Variants in OPCML observed in about 807,000 individuals in gnomAD.
The protein encoded by OPCML is opioid binding protein/cell adhesion molecule like.
A neutral mutation model predicts 37.8 loss-of-function variants in OPCML; 13 were observed. The ratio of observed to expected loss-of-function variants is 0.34; its 90% CI spans 0.22 to 0.55. The LOEUF (loss-of-function observed/expected upper bound fraction) is 0.55, where lower values mean the gene tolerates loss of function less well. Ranked by LOEUF, OPCML falls within the 20% of genes least tolerant of loss-of-function variation. The pLI, the probability that OPCML is intolerant of heterozygous loss-of-function variation, is 0.91. For missense variants in OPCML, 341 were observed against 435.6 expected (o/e 0.78, Z 1.93); for synonymous variants, 176 against 168.8 (o/e 1.04, Z -0.33).
intron 1 of OPCML, among the ~76,000 whole-genome samples, chr11:133,454,462 A>T (rs1288680108): frequency 1.3e-5 from 2 of 152,174 alleles, no homozygotes; most frequent in African/African-American, 4.8e-5. Flanking sequence ...TGCTTAGAAT[A>T]TTGGAAAATA....
rs539719283 is a variant in OPCML, at chr11:132,535,251, CT to C, written c.380-6066del. On this transcript the variant is annotated intron_variant, in intron 3 of 7. Coordinates refer to ENST00000524381, the MANE Select transcript of OPCML (RefSeq NM_001012393.5). ...AATAACTAACCATCAATTTCCTCCTCTTAAACTGAGCTATTGGGCCTAAGCA... is the reference window on the plus strand; with the variant it reads ...AATAACTAACCATCAATTTCCTCCTCTAAACTGAGCTATTGGGCCTAAGCA... Among the ~76,000 whole-genome samples, 360 of 152,224 alleles carry C rather than the reference CT, an allele frequency of 2.4e-3. 3 individuals are homozygous for C. The highest frequency in any genetic ancestry group is 8.1e-3 in the African/African-American group (335 of 41,542).
chr11:133,064,016 T>TTTTCTTTC (rs55825694), intron 1 of OPCML, among the ~76,000 whole-genome samples: 4 of 152,030 alleles, frequency 2.6e-5, no homozygotes, highest in African/African-American at 7.2e-5. Flanking sequence ...ATGGCTTTAA[T>TTTTCTTTC]TTTCTTTCTT....
At chr11:132,650,198 G>A (rs902433575) in intron 3 of OPCML, among the ~76,000 whole-genome samples, 1 of 152,174 alleles carries the variant, frequency 6.6e-6, no homozygotes, top group Non-Finnish European at 1.5e-5. Flanking sequence ...CTAACTAGCA[G>A]TGTTAGTAAG....
At chr11:132,635,790 T>G (rs991266251) in intron 3 of OPCML, among the ~76,000 whole-genome samples, 1 of 152,192 alleles carries the variant, frequency 6.6e-6, no homozygotes, top group Admixed American at 6.5e-5. Flanking sequence ...CCACTGCCCT[T>G]GGAAGACAAA....
At chr11:133,308,478 T>C (rs1442809983) in intron 1 of OPCML, among the ~76,000 whole-genome samples, 6 of 152,218 alleles carry the variant, frequency 3.9e-5, no homozygotes, top group South Asian at 2.1e-4. Context: ...CCTGTGGAGC[T>C]GAGTAGAGTC....
At chr11:132,891,808 A>G (rs1373882988) in intron 2 of OPCML, among the ~76,000 whole-genome samples, 1 of 152,224 alleles carries the variant, frequency 6.6e-6, no homozygotes. Flanking sequence ...AATCAGCTGC[A>G]TGAAAGAAAT....
At chr11:133,126,609 A>G (rs1179107425) in intron 1 of OPCML, among the ~76,000 whole-genome samples, 2 of 152,230 alleles carry the variant, frequency 1.3e-5, no homozygotes, top group African/African-American at 4.8e-5. Context: ...AAGAATGGAT[A>G]AAAATCTTAC....
chr11:132,865,927 T>C (rs1392876704), intron 2 of OPCML, among the ~76,000 whole-genome samples: 1 of 152,200 alleles, frequency 6.6e-6, no homozygotes, highest in Non-Finnish European at 1.5e-5. Context: ...CACGATCTAA[T>C]AATGGCTATT....
At chr11:133,122,844 C>G (rs753602996) in intron 1 of OPCML, among the ~76,000 whole-genome samples, 1 of 152,188 alleles carries the variant, frequency 6.6e-6, no homozygotes, top group Non-Finnish European at 1.5e-5. Context: ...AGCAAAAGTT[C>G]GCTGACACTG....
chr11:132,876,340 G>A (rs190090512), intron 2 of OPCML, among the ~76,000 whole-genome samples: 1 of 152,292 alleles, frequency 6.6e-6, no homozygotes, highest in Admixed American at 6.5e-5. Flanking sequence ...CAACTCCTGA[G>A]AGCAAACCCT....
At chr11:132,774,149 G>C (rs760848968) in intron 2 of OPCML, among the ~76,000 whole-genome samples, 12 of 152,090 alleles carry the variant, frequency 7.9e-5, no homozygotes, top group Non-Finnish European at 1.5e-4. Flanking sequence ...TATGTGTTAA[G>C]CTTCATTGGG....
intron 2 of OPCML, among the ~76,000 whole-genome samples, chr11:132,855,999 C>A (rs1345779136): frequency 6.6e-6 from 1 of 152,170 alleles, no homozygotes; most frequent in East Asian, 1.9e-4. Flanking sequence ...CATATGATTT[C>A]ACTGTAGATT....
intron 3 of OPCML, among the ~76,000 whole-genome samples, chr11:132,643,979 T>A (rs1227535975): frequency 1.3e-5 from 2 of 152,236 alleles, no homozygotes; most frequent in African/African-American, 4.8e-5. Flanking sequence ...CTCCTCGTGG[T>A]CGTCTGATCC....
chr11:133,118,648 A>C, intron 1 of OPCML, among the ~76,000 whole-genome samples: 1 of 151,704 alleles, frequency 6.6e-6, no homozygotes, highest in South Asian at 2.1e-4. Context: ...TTTTTACCAT[A>C]TGAAAAAAAA....
At chr11:132,904,769 C>T (rs1944177844) in intron 2 of OPCML, among the ~76,000 whole-genome samples, 1 of 152,204 alleles carries the variant, frequency 6.6e-6, no homozygotes, top group African/African-American at 2.4e-5. Context: ...ACCTAGTTAG[C>T]AGCCCGCACC....
chr11:132,738,624 G>A (rs978811043), intron 2 of OPCML, among the ~76,000 whole-genome samples: 2 of 152,170 alleles, frequency 1.3e-5, no homozygotes, highest in African/African-American at 2.4e-5. Context: ...CTTCTACAGT[G>A]TCCATGTGAG....
At chr11:132,665,172 C>A (rs561858956) in intron 2 of OPCML, among the ~76,000 whole-genome samples, 81 of 152,174 alleles carry the variant, frequency 5.3e-4, no homozygotes, top group Non-Finnish European at 1.0e-3. Context: ...TGAGGGCCTG[C>A]AACATGAGGA....
intron 4 of OPCML, among the ~76,000 whole-genome samples, chr11:132,500,725 C>A (rs1592272571): frequency 6.6e-6 from 1 of 152,058 alleles, no homozygotes; most frequent in African/African-American, 2.4e-5. Context: ...CCCTGACAGG[C>A]CCTAGTGTGT....
intron 1 of OPCML, among the ~76,000 whole-genome samples, chr11:133,292,052 C>G (rs1942493432): frequency 6.6e-6 from 1 of 152,190 alleles, no homozygotes; most frequent in African/African-American, 2.4e-5. Context: ...TGAAGCAAAG[C>G]AGAAGCTATA....
Sources: allele counts gnomAD v4.1 joint callset (sites outside exome capture counted in the v4.1 genomes callset), GRCh38; gene constraint gnomAD v4.1.1; transcripts MANE v1.5; gene names NCBI Gene and HGNC (gene_info 2026-07-23, HGNC 2026-07-21).